The following CSMD1 variants were observed in gnomAD, a reference collection of about 807,000 sequenced individuals.
CSMD1 encodes CUB and Sushi multiple domains 1, also known as CUB and sushi domain-containing protein 1.
A neutral mutation model predicts 417.5 loss-of-function variants in CSMD1; 213 were observed. The ratio of observed to expected loss-of-function variants is 0.51; its 90% confidence interval spans 0.46 to 0.57. The LOEUF is 0.57. CSMD1 is among the 20% of genes least tolerant of loss of function. CSMD1 has a pLI of 0.00. For missense variants in CSMD1, 6,923 were observed against 4,529.7 expected (o/e 1.53, Z -15.17); for synonymous variants, 2,862 against 1,736.8 (o/e 1.65, Z -16.11).
At chr8:4,191,846 A>C (rs1422561008) in intron 3 of CSMD1, among the ~76,000 whole-genome samples, 2 of 152,164 alleles carry the variant, frequency 1.3e-5, no homozygotes, top group Non-Finnish European at 2.9e-5. Flanking sequence ...AGCAAAATCA[A>C]CAGTCAGTTT....
At chr8:4,612,544 A>C (rs546059085) in intron 2 of CSMD1, among the ~76,000 whole-genome samples, 102 of 152,258 alleles carry the variant, frequency 6.7e-4, no homozygotes, top group African/African-American at 2.2e-3. Context: ...AGCTTTCTCC[A>C]CACCGAGGAA....
At chr8:4,588,838 C>T (rs1162463208) in intron 2 of CSMD1, among the ~76,000 whole-genome samples, 2 of 151,220 alleles carry the variant, frequency 1.3e-5, no homozygotes, top group African/African-American at 4.9e-5. Context: ...TGATTCTGTT[C>T]ACAGGCTGCT....
intron 3 of CSMD1, among the ~76,000 whole-genome samples, chr8:4,134,213 G>A (rs779166168): frequency 4.6e-5 from 7 of 152,126 alleles, no homozygotes; most frequent in South Asian, 2.1e-4. Flanking sequence ...GTCCTTACAC[G>A]CTGAATTGTG....
intron 43 of CSMD1, 30 bp downstream of exon 43, chr8:3,110,128 C>T (rs1816409039): frequency 3.2e-6 from 5 of 1,558,284 alleles, no homozygotes; most frequent in Non-Finnish European, 4.4e-6. Context: ...ATCACAATTA[C>T]AGATATTTTG....
At chr8:3,681,882 T>A (rs990352267) in intron 7 of CSMD1, among the ~76,000 whole-genome samples, 5 of 151,996 alleles carry the variant, frequency 3.3e-5, no homozygotes, top group African/African-American at 1.2e-4. Context: ...TCAGAAATAA[T>A]ACCACACATC....
chr8:4,169,258 G>C (rs1461880362), intron 3 of CSMD1, among the ~76,000 whole-genome samples: 2 of 152,126 alleles, frequency 1.3e-5, no homozygotes, highest in Non-Finnish European at 2.9e-5. Flanking sequence ...ACAGATGTCT[G>C]ATGGGTGCCT....
intron 3 of CSMD1, among the ~76,000 whole-genome samples, chr8:4,110,963 C>T (rs1161093190): frequency 6.6e-6 from 1 of 152,060 alleles, no homozygotes; most frequent in Non-Finnish European, 1.5e-5. Flanking sequence ...ATTACAGTTT[C>T]TTTCTAAAAT....
At chr8:4,037,100 G>C (rs562091962) in intron 3 of CSMD1, among the ~76,000 whole-genome samples, 8 of 152,156 alleles carry the variant, frequency 5.3e-5, no homozygotes, top group Non-Finnish European at 7.4e-5. Context: ...GGAATAATTG[G>C]ATAAATTATT....
chr8:4,959,653 A>G (rs1374265825), intron 1 of CSMD1, among the ~76,000 whole-genome samples: 1 of 152,198 alleles, frequency 6.6e-6, no homozygotes, highest in Non-Finnish European at 1.5e-5. Flanking sequence ...ATCTCTTCTC[A>G]GCGTATTATC....
At chr8:4,582,129 G>A (rs765292959) in intron 2 of CSMD1, among the ~76,000 whole-genome samples, 4 of 151,774 alleles carry the variant, frequency 2.6e-5, no homozygotes, top group Non-Finnish European at 5.9e-5. Context: ...TTTGTGAGTA[G>A]CACATGAGGA....
chr8:3,564,154 A>G (rs1489533388), intron 10 of CSMD1, among the ~76,000 whole-genome samples: 2 of 152,178 alleles, frequency 1.3e-5, no homozygotes. Context: ...TGGAAGATTG[A>G]AATTATTTTC....
chr8:4,311,763 TCATAGAGGGGAACA>T (rs1480615961), intron 3 of CSMD1, among the ~76,000 whole-genome samples: 2 of 148,250 alleles, frequency 1.3e-5, no homozygotes, highest in Admixed American at 6.8e-5. Flanking sequence ...TTATGAGAGT[TCATAGAGGGGAACA>T]CATAGAGGGG....
chr8:4,246,260 G>A (rs1166691065), intron 3 of CSMD1, among the ~76,000 whole-genome samples: 2 of 151,998 alleles, frequency 1.3e-5, no homozygotes, highest in East Asian at 2.0e-4. Context: ...ACTTATACAT[G>A]ATAACTTGTG....
At chr8:3,086,568 A>AT (rs1423830813) in intron 49 of CSMD1, among the ~76,000 whole-genome samples, 7 of 152,186 alleles carry the variant, frequency 4.6e-5, no homozygotes, top group African/African-American at 1.7e-4. Flanking sequence ...AAAGCCTTCA[A>AT]TTAAAATTAA....
chr8:4,308,514 A>G (rs916182774), intron 3 of CSMD1, among the ~76,000 whole-genome samples: 1 of 152,228 alleles, frequency 6.6e-6, no homozygotes, highest in African/African-American at 2.4e-5. Context: ...TCAGTACTTC[A>G]GAGACCCTGC....
chr8:4,912,440 G>C (rs541691364), intron 1 of CSMD1, among the ~76,000 whole-genome samples: 5 of 152,066 alleles, frequency 3.3e-5, no homozygotes, highest in East Asian at 3.9e-4. Flanking sequence ...GGCTGGACAA[G>C]GATTGAAGGT....
Position 3,252,421 on chromosome 8 carries a change from C to T in CSMD1, c.4154-22190G>A, listed in dbSNP as rs919185211. 4.1e-4 allele frequency among the ~76,000 whole-genome samples: 62 copies of T among 152,168 alleles called. 1 individual carries two copies. Among genetic ancestry groups the T allele is most frequent in the Non-Finnish European group, 4.4e-5 (3 of 68,038 alleles). On this transcript the variant is annotated intron_variant, in intron 26 of 69. Coordinates refer to ENST00000635120, the MANE Select transcript of CSMD1 (RefSeq NM_033225.6). ...ATCCCAGGGATGAAGCTCACTTGATCATGGTGGATAAGCTTTTTGATATAT... is the reference window on the plus strand; with the variant it reads ...ATCCCAGGGATGAAGCTCACTTGATTATGGTGGATAAGCTTTTTGATATAT...
chr8:4,526,876 T>C (rs11987070), intron 2 of CSMD1, among the ~76,000 whole-genome samples: 54,289 of 151,940 alleles, frequency 0.36, 10,973 homozygotes, highest in Non-Finnish European at 0.45. Flanking sequence ...TATTTAGCCA[T>C]GATTCCAGAA....
At chr8:4,391,158 G>C (rs562710779) in intron 3 of CSMD1, among the ~76,000 whole-genome samples, 1 of 152,176 alleles carries the variant, frequency 6.6e-6, no homozygotes, top group Non-Finnish European at 1.5e-5. Context: ...GCTCAGGCAA[G>C]TATGGCAAGA....
Sources: allele counts gnomAD v4.1 joint callset (sites outside exome capture counted in the v4.1 genomes callset), GRCh38; gene constraint gnomAD v4.1.1; transcripts MANE v1.5; gene names NCBI Gene and HGNC (gene_info 2026-07-23, HGNC 2026-07-21).